The following KCNIP4 variants were observed in gnomAD, a reference collection of about 807,000 sequenced individuals.
KCNIP4 encodes the protein Kv channel-interacting protein 4.
A neutral mutation model predicts 34.0 loss-of-function variants in KCNIP4; 12 were observed. That is an observed-to-expected ratio of 0.35 (90% CI 0.23 to 0.57). The LOEUF is 0.57. KCNIP4 is among the 20% of genes least tolerant of loss of function. The pLI is 0.83. For missense variants in KCNIP4, 238 were observed against 311.7 expected (o/e 0.76, Z 1.78); for synonymous variants, 124 against 102.2 (o/e 1.21, Z -1.29).
chr4:21,768,946 T>A (rs562691339), intron 1 of KCNIP4, among the ~76,000 whole-genome samples: 126 of 152,004 alleles, frequency 8.3e-4, no homozygotes, highest in African/African-American at 2.9e-3. Context: ...TTTTTTTCAA[T>A]TTTTTTTGTT....
intron 1 of KCNIP4, among the ~76,000 whole-genome samples, chr4:20,920,755 G>T (rs923322284): frequency 2.6e-5 from 4 of 152,172 alleles, no homozygotes; most frequent in African/African-American, 9.7e-5. Context: ...ACTTTGGGAG[G>T]CCGAGGCGGG....
intron 1 of KCNIP4, among the ~76,000 whole-genome samples, chr4:21,144,836 T>A (rs1752235819): frequency 6.6e-6 from 1 of 152,206 alleles, no homozygotes; most frequent in Non-Finnish European, 1.5e-5. Context: ...ATCTACCATC[T>A]CTTGTAGCCT....
At chr4:20,850,307 A>T (rs1720869892) in intron 3 of KCNIP4, 1 of 361,318 alleles carries the variant, frequency 2.8e-6, no homozygotes, top group African/African-American at 2.0e-5. Context: ...AACTGAATTG[A>T]ATAAAACTTT....
chr4:21,286,305 G>A (rs994737368), intron 1 of KCNIP4, among the ~76,000 whole-genome samples: 11 of 152,154 alleles, frequency 7.2e-5, no homozygotes, highest in South Asian at 6.2e-4. Context: ...TAAGGCCACC[G>A]TTCCCTATTA....
chr4:20,999,840 A>C (rs575079910), intron 1 of KCNIP4, among the ~76,000 whole-genome samples: 2 of 152,228 alleles, frequency 1.3e-5, no homozygotes, highest in African/African-American at 4.8e-5. Flanking sequence ...AACTAATTAC[A>C]GTATAAAAGA....
At chr4:21,506,194 T>C (rs575487205) in intron 1 of KCNIP4, among the ~76,000 whole-genome samples, 1 of 152,330 alleles carries the variant, frequency 6.6e-6, no homozygotes, top group East Asian at 1.9e-4. Context: ...GTTGATTTTT[T>C]TTAATTTTTC....
At chr4:21,855,167 C>T (rs1578073924) in intron 1 of KCNIP4, among the ~76,000 whole-genome samples, 3 of 152,138 alleles carry the variant, frequency 2.0e-5, no homozygotes, top group Non-Finnish European at 2.9e-5. Context: ...GTTCAATTTT[C>T]GGTATCAAGC....
chr4:21,891,304 C>T (rs1727077798), intron 1 of KCNIP4, among the ~76,000 whole-genome samples: 1 of 152,066 alleles, frequency 6.6e-6, no homozygotes, highest in African/African-American at 2.4e-5. Context: ...AATCTCACCT[C>T]CCCCCTTGCT....
chr4:20,899,367 C>T (rs1726913869), intron 1 of KCNIP4, among the ~76,000 whole-genome samples: 1 of 152,140 alleles, frequency 6.6e-6, no homozygotes, highest in African/African-American at 2.4e-5. Context: ...TCCTTGAAAA[C>T]AGGCCCTGCT....
At chr4:21,237,875 T>A (rs1759486559) in intron 1 of KCNIP4, among the ~76,000 whole-genome samples, 1 of 152,164 alleles carries the variant, frequency 6.6e-6, no homozygotes, top group Admixed American at 6.5e-5. Flanking sequence ...CCTAATTCAT[T>A]TTATGAGGCC....
chr4:20,743,354 G>A (rs1412070873), intron 5 of KCNIP4, among the ~76,000 whole-genome samples: 1 of 152,060 alleles, frequency 6.6e-6, no homozygotes, highest in Non-Finnish European at 1.5e-5. Flanking sequence ...ACATCATGCT[G>A]CCTGACTTCA....
intron 1 of KCNIP4, among the ~76,000 whole-genome samples, chr4:21,219,126 C>T (rs1314270795): frequency 6.6e-6 from 1 of 151,912 alleles, no homozygotes; most frequent in Non-Finnish European, 1.5e-5. Flanking sequence ...AATATGCAAC[C>T]CAGCAAACCC....
At chr4:20,885,408 G>T (rs1040991318) in intron 1 of KCNIP4, among the ~76,000 whole-genome samples, 5 of 152,170 alleles carry the variant, frequency 3.3e-5, no homozygotes, top group Non-Finnish European at 5.9e-5. Flanking sequence ...GCCCAGACCT[G>T]CCAACCAGTC....
chr4:21,883,980 A>T (rs1056210290), intron 1 of KCNIP4, among the ~76,000 whole-genome samples: 1 of 152,092 alleles, frequency 6.6e-6, no homozygotes, highest in African/African-American at 2.4e-5. Context: ...TCACATCATC[A>T]CTTGCTGGGA....
intron 1 of KCNIP4, among the ~76,000 whole-genome samples, chr4:21,280,826 G>A (rs2109166585): frequency 6.6e-6 from 1 of 152,282 alleles, no homozygotes; most frequent in South Asian, 2.1e-4. Flanking sequence ...TGTGTTGTGA[G>A]TAAGGACTGG....
intron 1 of KCNIP4, among the ~76,000 whole-genome samples, chr4:21,319,057 T>C (rs1179638148): frequency 1.3e-5 from 2 of 152,126 alleles, no homozygotes; most frequent in Non-Finnish European, 2.9e-5. Flanking sequence ...AGAGAACTTA[T>C]GAAATAAGTT....
intron 5 of KCNIP4, among the ~76,000 whole-genome samples, chr4:20,747,533 G>C (rs1245503762): frequency 1.3e-5 from 2 of 152,108 alleles, no homozygotes; most frequent in Non-Finnish European, 2.9e-5. Flanking sequence ...TGGTACCCAG[G>C]ATAGTCTTCC....
At chr4:21,519,347 C>G (rs200708278) in intron 1 of KCNIP4, among the ~76,000 whole-genome samples, 4 of 123,592 alleles carry the variant, frequency 3.2e-5, no homozygotes, top group Non-Finnish European at 6.5e-5. Flanking sequence ...GAGAGATACA[C>G]ACACACACAC....
At chr4:20,874,383 T>C (rs1250138997) in intron 2 of KCNIP4, among the ~76,000 whole-genome samples, 1 of 151,824 alleles carries the variant, frequency 6.6e-6, no homozygotes, top group East Asian at 1.9e-4. Flanking sequence ...TACATATGTG[T>C]CTGTTTATTT....
Sources: gnomAD v4.1 joint callset for allele counts (sites outside exome capture counted in the v4.1 genomes callset) on GRCh38, gnomAD v4.1.1 for gene constraint, MANE v1.5 for transcripts, NCBI Gene and HGNC (gene_info 2026-07-23, HGNC 2026-07-21) for gene names.